The following RASA3 variants were observed in gnomAD, a reference collection of about 807,000 sequenced individuals.
RASA3 encodes the protein ras GTPase-activating protein 3.
Under a neutral mutation model 110.0 loss-of-function variants are expected in RASA3, and 73 were observed. That is an observed-to-expected ratio of 0.66 (90% CI 0.55 to 0.81). The LOEUF (loss-of-function observed/expected upper bound fraction) is 0.81. Among genes scored for constraint, RASA3 ranks in the 30% least tolerant of loss-of-function variants. The probability of loss-of-function intolerance (pLI) is 0.00; values close to 1 mark genes in which losing one functional copy is unlikely to be tolerated. For synonymous variants in RASA3, 500 were observed against 451.4 expected (o/e 1.11, Z -1.37); for missense variants, 976 against 1,113.2 (o/e 0.88, Z 1.75).
rs375705195 is a variant in RASA3 at position 114,017,249 on chromosome 13, G to A, written c.1194C>T (p.Pro398=). 15 of 1,613,360 alleles carry A rather than the reference G, an allele frequency of 9.3e-6. No homozygotes were observed. Among genetic ancestry groups the A allele is most frequent in the African/African-American group, 8.0e-5 (6 of 74,912 alleles). Residue 398 remains proline, a synonymous_variant, in exon 12 of 24, where the codon CCC becomes CCT. Transcript: ENST00000334062. The part of the protein sequence containing the change: ...GMHYLHVTLK[P]AIEEICQSHK... ...GCCCCGTGCTCACCTCCTCGATGGC[G>A]GGCTTCAGGGTGACATGCAGGTAAT...
intron 4 of RASA3, among the ~76,000 whole-genome samples, chr13:114,040,765 G>GCAC: frequency 7.8e-6 from 1 of 128,448 alleles, no homozygotes; most frequent in African/African-American, 3.6e-5. Flanking sequence ...CAAAATCCAT[G>GCAC]GCAGAGCCTG....
intron 1 of RASA3, among the ~76,000 whole-genome samples, chr13:114,130,625 C>A (rs867095167): frequency 1.1e-4 from 16 of 152,178 alleles, no homozygotes; most frequent in Admixed American, 2.0e-4. Context: ...TGGTCTGAGA[C>A]TCTGGTCTTC....
At chr13:114,078,744 C>T (rs1178689193) in intron 1 of RASA3, among the ~76,000 whole-genome samples, 1 of 152,248 alleles carries the variant, frequency 6.6e-6, no homozygotes, top group Non-Finnish European at 1.5e-5. Flanking sequence ...CCACGGCAGC[C>T]CTTCTGGGCC....
At chr13:114,035,352 G>A (rs1217621988) in intron 4 of RASA3, among the ~76,000 whole-genome samples, 1 of 152,196 alleles carries the variant, frequency 6.6e-6, no homozygotes, top group Non-Finnish European at 1.5e-5. Context: ...CTGCACTCCT[G>A]CGAACTCACA....
Position 114,112,107 on chromosome 13 carries a change from C to CG in RASA3, c.55+20327_55+20328insC, listed in dbSNP as rs57222822. Among the ~76,000 whole-genome samples, 1 of 151,870 alleles carries CG rather than the reference C, an allele frequency of 6.6e-6. No homozygotes were observed. Among genetic ancestry groups the CG allele is most frequent in the African/African-American group, 2.4e-5 (1 of 41,356 alleles). On this transcript the variant is annotated intron_variant, in intron 1 of 23. Transcript: ENST00000334062. The surrounding 1 kb of genome is among the most constrained non-coding windows in gnomAD (Gnocchi z 4.8). ...AACAGCAGCCCCCAGGCACCCCCCC[C>CG]AGCAACTGGGACAAGGGCACACCAG...
At position 114,040,997 on chromosome 13, in the gene RASA3, C is replaced by T. The variant is rs1255447585; in HGVS notation, c.372+3G>A. The T allele has an allele frequency of 3.1e-6, 5 of 1,613,494 alleles. No homozygotes were observed. Among genetic ancestry groups the T allele is most frequent in the Middle Eastern group, 1.7e-4 (1 of 5,914 alleles). On this transcript the variant is annotated splice_donor_region_variant and intron_variant, in intron 4 of 23. Coordinates refer to ENST00000334062, the MANE Select transcript of RASA3 (RefSeq NM_007368.4). ...GTTTCCGGGGCTGCGCCGAGAGTCT[C>T]ACCTGCACTTCCGAGTCAGCGTCCA...
rs1223570731 is a variant in RASA3 at position 114,065,352 on chromosome 13, G to A, written c.173+8368C>T. Among the ~76,000 whole-genome samples, 1 of 152,218 alleles carries A rather than the reference G, an allele frequency of 6.6e-6. No homozygotes were observed. Among genetic ancestry groups the A allele is most frequent in the Non-Finnish European group, 1.5e-5 (1 of 68,040 alleles). On this transcript the variant is annotated intron_variant, in intron 2 of 23. Transcript: ENST00000334062. This position sits in a 1 kb window ranked among gnomAD's most constrained non-coding sequence, Gnocchi z 4.1. ...GGGGCCCATTTCCCAAACGCTGGGGGGAGCCGGGAGCTGCCAGGGCTGCCC... is the reference window on the plus strand; with the variant it reads ...GGGGCCCATTTCCCAAACGCTGGGGAGAGCCGGGAGCTGCCAGGGCTGCCC...
intron 1 of RASA3, among the ~76,000 whole-genome samples, chr13:114,117,069 T>G (rs1180057638): frequency 5.5e-5 from 5 of 91,072 alleles, no homozygotes; most frequent in African/African-American, 1.8e-4. Context: ...TGCATGTGTG[T>G]GGGGGTGCAC....
At chr13:114,098,908 A>G (rs1038725659) in intron 1 of RASA3, among the ~76,000 whole-genome samples, 4 of 152,166 alleles carry the variant, frequency 2.6e-5, no homozygotes, top group South Asian at 2.1e-4. Context: ...CCCGCAGGCC[A>G]GAAGGCAGCA....
At chr13:114,053,501 G>T (rs1035451250) in intron 2 of RASA3, among the ~76,000 whole-genome samples, 3 of 152,260 alleles carry the variant, frequency 2.0e-5, no homozygotes, top group Non-Finnish European at 2.9e-5. Context: ...TAGGAAAGAT[G>T]TAAGTTATTC....
intron 1 of RASA3, among the ~76,000 whole-genome samples, chr13:114,074,622 A>G (rs1171282510): frequency 6.6e-6 from 1 of 151,994 alleles, no homozygotes; most frequent in African/African-American, 2.4e-5. Context: ...TTAACTGTAA[A>G]CTCCAGCTGT....
chr13:114,064,472 C>T (rs1431075759), intron 2 of RASA3, among the ~76,000 whole-genome samples: 3 of 152,178 alleles, frequency 2.0e-5, no homozygotes, highest in Non-Finnish European at 4.4e-5. Flanking sequence ...GGTGCAAAGC[C>T]CAGGCCCACG....
intron 15 of RASA3, 87 bp downstream of exon 15, chr13:114,013,055 G>A (rs539833702): frequency 2.5e-5 from 27 of 1,085,840 alleles, no homozygotes; most frequent in South Asian, 4.6e-5. Flanking sequence ...CCACACGGTC[G>A]GCCCCCTACA....
chr13:114,108,832 T>G (rs2080176438), intron 1 of RASA3: 3 of 152,182 alleles, frequency 2.0e-5, no homozygotes, highest in Admixed American at 2.0e-4. Flanking sequence ...TCTGAATCAG[T>G]CACAAGGAAG....
intron 3 of RASA3, among the ~76,000 whole-genome samples, chr13:114,047,953 G>T (rs540584398): frequency 3.5e-4 from 53 of 152,344 alleles, no homozygotes; most frequent in African/African-American, 1.2e-3. Context: ...TGCATACACT[G>T]GTGAAGGCTA....
chr13:114,011,875 T>C lies in RASA3; in HGVS notation c.1513-627A>G, dbSNP rs1321408770. Among the ~76,000 whole-genome samples the C allele has an allele frequency of 6.6e-6, 1 of 151,856 alleles. No individual in the cohort carries two copies. The highest frequency in any genetic ancestry group is 2.4e-5 in the African/African-American group (1 of 41,292). ...AGGCAGAGGTTGCAGTGAGCTGAGA[T>C]GGTACCACTGCACGCCAGCCTGGTG... On this transcript the variant is annotated intron_variant, in intron 15 of 23. Coordinates refer to ENST00000334062, the MANE Select transcript of RASA3 (RefSeq NM_007368.4). This position sits in a 1 kb window ranked among gnomAD's most constrained non-coding sequence, Gnocchi z 4.8.
At position 114,088,867 on chromosome 13, in the gene RASA3, A is replaced by T. The variant is rs1205253805; in HGVS notation, c.56-15030T>A. On this transcript the variant is annotated intron_variant, in intron 1 of 23. Coordinates refer to ENST00000334062, the MANE Select transcript of RASA3 (RefSeq NM_007368.4). ...GCCTGGCCCTAAAATTCCCAAATTA[A>T]TTTTCACATGGTAAAATGTTCCCTG... 2.0e-5 allele frequency among the ~76,000 whole-genome samples: 3 copies of T among 152,210 alleles called. No individual in the cohort carries two copies. In the East Asian group the frequency reaches 5.8e-4, roughly 29 times the overall value.
rs1419237013 is a variant in RASA3 at position 114,061,494 on chromosome 13, C to T, written c.174-9339G>A. ...GAGCATCCTGGCCAACATGGTGAAA[C>T]GCCGTCTCTACTAAAAATACAAAAA... is the stretch of plus-strand genomic sequence containing the variant. On this transcript the variant is annotated intron_variant, in intron 2 of 23. Coordinates refer to ENST00000334062, the MANE Select transcript of RASA3 (RefSeq NM_007368.4). Among the ~76,000 whole-genome samples, 11 of 149,188 alleles carry T rather than the reference C, an allele frequency of 7.4e-5. No homozygotes were observed. The East Asian group carries it at 7.9e-4, about 11-fold the overall frequency.
intron 4 of RASA3, among the ~76,000 whole-genome samples, chr13:114,031,683 G>A (rs939076922): frequency 2.0e-5 from 3 of 152,192 alleles, no homozygotes; most frequent in African/African-American, 4.8e-5. Flanking sequence ...CGCTGTCCCT[G>A]TATTTGCTCC....
Sources: allele counts gnomAD v4.1 joint callset (sites outside exome capture counted in the v4.1 genomes callset), GRCh38; gene constraint gnomAD v4.1.1; non-coding constraint Gnocchi (gnomAD v3.1); transcripts MANE v1.5; gene names NCBI Gene and HGNC (gene_info 2026-07-23, HGNC 2026-07-21).